MUSK: variants seen among roughly 807,000 people sequenced by gnomAD.
MUSK encodes the protein muscle associated receptor tyrosine kinase, also known as muscle, skeletal receptor tyrosine-protein kinase.
Under a neutral mutation model 88.7 loss-of-function variants are expected in MUSK, and 55 were observed. That is an observed-to-expected ratio of 0.62 (90% CI 0.50 to 0.78). MUSK has a LOEUF of 0.78. Among genes scored for constraint, MUSK ranks in the 30% least tolerant of loss-of-function variants. The pLI is 0.00. For synonymous variants in MUSK, 387 were observed against 391.9 expected (o/e 0.99, Z 0.15); for missense variants, 1,015 against 1,074.3 (o/e 0.94, Z 0.77).
intron 7 of MUSK, among the ~76,000 whole-genome samples, chr9:110,751,725 G>C (rs2077250495): frequency 6.6e-6 from 1 of 152,054 alleles, no homozygotes; most frequent in South Asian, 2.1e-4. Context: ...GTTTACAGTA[G>C]CTACCCAAGG....
intron 5 of MUSK, among the ~76,000 whole-genome samples, chr9:110,733,619 T>C (rs1318179524): frequency 1.3e-5 from 2 of 151,976 alleles, no homozygotes; most frequent in Admixed American, 1.3e-4. Flanking sequence ...TTGACACAAT[T>C]TGTCTGCCCT....
In MUSK at chr9:110,775,824, A is replaced by C. The variant is rs1209321241; in HGVS notation, c.1221A>C (p.Ala407=). 1.9e-6 allele frequency: 3 copies of C among 1,613,824 alleles called. No homozygotes were observed. The highest frequency in any genetic ancestry group is 2.7e-5 in the African/African-American group (2 of 74,916). The part of the protein sequence containing the change: ...YCLAVKELFC[A]KEWLVMEEKT... ...TGGCAGTAAAGGAGCTCTTCTGCGC[A>C]AAAGAATGGCTGGTAATGGAAGAGA... The change falls in exon 10 of 15, where the codon GCA becomes GCC. Residue 407 remains alanine (A), a synonymous_variant. Coordinates refer to ENST00000374448, the MANE Select transcript of MUSK (RefSeq NM_005592.4).
intron 5 of MUSK, among the ~76,000 whole-genome samples, chr9:110,705,717 T>C (rs1423426960): frequency 6.6e-6 from 1 of 152,170 alleles, no homozygotes. Flanking sequence ...AAGAACTATT[T>C]AGGTATACTG....
At chr9:110,673,147 A>G (rs760935293) in intron 1 of MUSK, among the ~76,000 whole-genome samples, 2 of 152,184 alleles carry the variant, frequency 1.3e-5, no homozygotes, top group Non-Finnish European at 2.9e-5. Context: ...GGATAACTGG[A>G]AATATGGACA....
At position 110,755,007 on chromosome 9, in the gene MUSK, C is replaced by G. The variant is rs1009964206; in HGVS notation, c.914-7195C>G. The stretch of plus-strand genomic sequence containing the variant: ...TCAAAATGACAATCCTATAACCCAG[C>G]CTGCCTATCTCAGTAAAACAGAAAG... On this transcript the variant is annotated intron_variant, in intron 7 of 14. Transcript: ENST00000374448. 2.0e-5 allele frequency among the ~76,000 whole-genome samples: 3 copies of G among 152,288 alleles called. No homozygotes were observed. The East Asian group carries it at 5.8e-4, about 29-fold the overall frequency.
intron 8 of MUSK, among the ~76,000 whole-genome samples, chr9:110,764,484 A>G (rs2077445137): frequency 6.6e-6 from 1 of 152,152 alleles, no homozygotes; most frequent in Non-Finnish European, 1.5e-5. Context: ...GTAAAATTGA[A>G]GGCTTATATT....
chr9:110,784,756 A>G, intron 11 of MUSK, 59 bp from the exon 12 acceptor site: 2 of 1,356,314 alleles, frequency 1.5e-6, no homozygotes, highest in East Asian at 2.3e-5. Context: ...TTGCTTAAAT[A>G]CAAAAAATTG....
At chr9:110,750,521 T>C (rs571109854) in intron 7 of MUSK, among the ~76,000 whole-genome samples, 1 of 152,246 alleles carries the variant, frequency 6.6e-6, no homozygotes, top group South Asian at 2.1e-4. Flanking sequence ...ATCATGCCAT[T>C]GTCTACACTC....
At chr9:110,681,080 T>TAATATAA (rs1491549151) in intron 1 of MUSK, among the ~76,000 whole-genome samples, 2 of 25,988 alleles carry the variant, frequency 7.7e-5, no homozygotes, top group African/African-American at 5.2e-4. Context: ...ATTATATATA[T>TAATATAA]TATATAATAT....
chr9:110,730,810 A>T (rs529466772), intron 5 of MUSK, among the ~76,000 whole-genome samples: 1 of 152,070 alleles, frequency 6.6e-6, no homozygotes, highest in Non-Finnish European at 1.5e-5. Context: ...TTTATTGCTG[A>T]TAAGGCTGGA....
chr9:110,786,472 A>G (rs896183310), intron 13 of MUSK, among the ~76,000 whole-genome samples: 1 of 152,124 alleles, frequency 6.6e-6, no homozygotes, highest in East Asian at 1.9e-4. Context: ...TAGGTAATTT[A>G]TTGGAGATGT....
chr9:110,768,009 T>C lies in MUSK; in HGVS notation c.1110T>C (p.Ala370=). ...TGAGCCCAGTCTGCCGGCCAGCTGC[T>C]GAGGCTTTGTTGTGTAACCACATCT... is the stretch of plus-strand genomic sequence containing the variant. ...KVVSPVCRPA[A]EALLCNHIFQ... The change falls in exon 9 of 15, where the codon GCT becomes GCC. Residue 370 remains alanine (A), a synonymous_variant. Coordinates refer to ENST00000374448, the MANE Select transcript of MUSK (RefSeq NM_005592.4). The C allele has an allele frequency of 6.2e-7, 1 of 1,613,892 alleles. No homozygotes were observed. Among genetic ancestry groups the C allele is most frequent in the Non-Finnish European group, 8.5e-7 (1 of 1,179,770 alleles).
At chr9:110,787,969 T>C in intron 14 of MUSK, 131 bp downstream of exon 14, 1 of 1,036,826 alleles carries the variant, frequency 9.6e-7, no homozygotes, top group Non-Finnish European at 1.5e-6. Flanking sequence ...CAAATTTAGC[T>C]TCTTCACCTT....
chr9:110,690,481 A>AGTATATATAAAT (rs1564220326), intron 3 of MUSK, among the ~76,000 whole-genome samples: 1 of 26,318 alleles, frequency 3.8e-5, no homozygotes, highest in Non-Finnish European at 6.1e-5. Flanking sequence ...TATATATATA[A>AGTATATATAAAT]ATATATATTT....
At chr9:110,671,938 G>A (rs190139760) in intron 1 of MUSK, among the ~76,000 whole-genome samples, 51 of 152,270 alleles carry the variant, frequency 3.3e-4, no homozygotes, top group Middle Eastern at 3.4e-3. Flanking sequence ...TTGAGCGTAC[G>A]TGATTTTATC....
At chr9:110,768,109 GA>G in intron 9 of MUSK, 26 bp downstream of exon 9, 1 of 1,572,280 alleles carries the variant, frequency 6.4e-7, no homozygotes, top group South Asian at 1.2e-5. Context: ...TAAGTCAAAG[GA>G]AAAATTCCAT....
chr9:110,789,096 G>C (rs145044521), intron 14 of MUSK, among the ~76,000 whole-genome samples: 1 of 152,218 alleles, frequency 6.6e-6, no homozygotes, highest in Non-Finnish European at 1.5e-5. Flanking sequence ...GAAACAAATG[G>C]AGAGTTTCAG....
intron 2 of MUSK, among the ~76,000 whole-genome samples, chr9:110,684,714 CT>C (rs1433566394): frequency 1.3e-5 from 2 of 151,714 alleles, no homozygotes; most frequent in African/African-American, 4.8e-5. Flanking sequence ...TAATTCCTAG[CT>C]ATTTAATTTT....
chr9:110,734,467 T>G, intron 6 of MUSK, 92 bp downstream of exon 6: 4 of 1,526,138 alleles, frequency 2.6e-6, no homozygotes, highest in Non-Finnish European at 3.6e-6. Flanking sequence ...CCCAGATCTC[T>G]GTCATTGGTC....
Sources: allele counts gnomAD v4.1 joint callset (sites outside exome capture counted in the v4.1 genomes callset), GRCh38; gene constraint gnomAD v4.1.1; transcripts MANE v1.5; gene names NCBI Gene and HGNC (gene_info 2026-07-23, HGNC 2026-07-21).